BAIAP3: variants seen among roughly 807,000 people sequenced by gnomAD.
The protein encoded by BAIAP3 is BAI1 associated protein 3, also known as BAI1-associated protein 3.
A neutral mutation model predicts 149.7 loss-of-function variants in BAIAP3; 180 were observed. The ratio of observed to expected loss-of-function variants is 1.20; its 90% CI spans 1.07 to 1.36. The LOEUF is 1.36. BAIAP3 is among the 40% of genes most tolerant of loss of function. BAIAP3 has a pLI of 0.00. For synonymous variants in BAIAP3, 845 were observed against 670.7 expected (o/e 1.26, Z -4.02); for missense variants, 1,767 against 1,563.4 (o/e 1.13, Z -2.20).
At chr16:1,343,037 G>A in intron 14 of BAIAP3, 21 bp downstream of exon 14, 1 of 1,598,078 alleles carries the variant, frequency 6.3e-7, no homozygotes. Flanking sequence ...GGAGCTACGA[G>A]TGGGCGGGGA....
At chr16:1,336,452 C>T in intron 1 of BAIAP3, 1 of 935,056 alleles carries the variant, frequency 1.1e-6, no homozygotes, top group Non-Finnish European at 1.3e-6. Context: ...CGCAAACCCT[C>T]CTTCCTGTCC....
rs1322785475 is a variant in BAIAP3, at chr16:1,333,684, C to T, written c.-76C>T. On this transcript the variant is annotated 5_prime_UTR_variant, in exon 1 of 34. Coordinates refer to ENST00000426824, the MANE Select transcript of BAIAP3 (RefSeq NM_001199097.2). ...GCGGCTGGGAGCGGTAGCTGTGCCT[C>T]GGCGTCCCCGAGCTGGTGCCGAGCG... 1 of 151,408 alleles carries T rather than the reference C, an allele frequency of 6.6e-6. No homozygotes were observed. Among genetic ancestry groups the T allele is most frequent in the African/African-American group, 2.4e-5 (1 of 41,184 alleles). 9.4% of individuals were successfully genotyped at this position (151,408 alleles called of 1,614,324 possible).
rs551044108 is a variant in BAIAP3 at position 1,349,101 on chromosome 16, T to C, written c.*619T>C. ...AAGGCTGGTGGTCAGTGTGAAGGGCTCCGTGCCAACTGGTCAGCTGTCCTT... is the reference window on the plus strand; with the variant it reads ...AAGGCTGGTGGTCAGTGTGAAGGGCCCCGTGCCAACTGGTCAGCTGTCCTT... On this transcript the variant is annotated 3_prime_UTR_variant, in exon 34 of 34. Coordinates refer to ENST00000426824, the MANE Select transcript of BAIAP3 (RefSeq NM_001199097.2). 2 of 375,684 alleles carry C rather than the reference T, an allele frequency of 5.3e-6. No individual in the cohort carries two copies. Among genetic ancestry groups the C allele is most frequent in the Non-Finnish European group, 1.0e-5 (2 of 200,764 alleles). 23.3% of individuals were successfully genotyped at this position (375,684 alleles called of 1,614,324 possible).
intron 5 of BAIAP3, among the ~76,000 whole-genome samples, chr16:1,339,937 G>A (rs1485623663): frequency 7.4e-4 from 81 of 109,548 alleles, no homozygotes; most frequent in African/African-American, 2.5e-3. Flanking sequence ...ACACAGACAC[G>A]CACACAGGCT....
chr16:1,339,713 C>T (rs938066660), intron 5 of BAIAP3, 110 bp downstream of exon 5: 38 of 878,418 alleles, frequency 4.3e-5, no homozygotes, highest in Non-Finnish European at 5.4e-5. Context: ...CTCCCCGATC[C>T]GTGCACAGCA....
chr16:1,343,632 G>T, intron 15 of BAIAP3, 119 bp downstream of exon 15: 1 of 1,436,346 alleles, frequency 7.0e-7, no homozygotes, highest in Non-Finnish European at 9.4e-7. Context: ...AAGACAAATG[G>T]ACAAACTGTA....
At chr16:1,338,450 CCCG>C in intron 1 of BAIAP3, 87 bp from the exon 2 acceptor site, 1 of 195,866 alleles carries the variant, frequency 5.1e-6, no homozygotes, top group Non-Finnish European at 1.1e-5. Flanking sequence ...CCCACCTCTT[CCCG>C]CCCCACCCCC....
rs199907687 is a variant in BAIAP3 at position 1,344,430 on chromosome 16, C to G, written c.1603-39C>G. 2,428 of 1,612,844 alleles carry G rather than the reference C, an allele frequency of 1.5e-3. 2 individuals carry two copies. Among genetic ancestry groups the G allele is most frequent in the Non-Finnish European group, 1.9e-3 (2,297 of 1,179,470 alleles). ...TCTCTTGCCCACCTCTTCCTCTTCC[C>G]TGCAATCCACCATGCTGTCTTGGTG... is the stretch of plus-strand genomic sequence containing the variant. On this transcript the variant is annotated intron_variant, in intron 17 of 33. Transcript: ENST00000426824.
Position 1,348,843 on chromosome 16 carries a change from A to G in BAIAP3, c.*361A>G, listed in dbSNP as rs1415728208. ...GCAGCTGGTCTCCAGGGACTCAGTG[A>G]GTGGCTGTGCTCTCTGCACAACGGG... On this transcript the variant is annotated 3_prime_UTR_variant, in exon 34 of 34. Coordinates refer to ENST00000426824, the MANE Select transcript of BAIAP3 (RefSeq NM_001199097.2). 1.3e-5 allele frequency: 5 copies of G among 399,216 alleles called. No individual in the cohort carries two copies. In the Admixed American group the frequency reaches 2.0e-4, roughly 16 times the overall value. 24.7% of individuals were successfully genotyped at this position (399,216 alleles called of 1,614,324 possible). A position where few individuals can be genotyped will look rare whatever the true frequency, so the allele number is the denominator to read the frequency against.
intron 32 of BAIAP3, 37 bp from the exon 33 acceptor site, chr16:1,348,059 T>G (rs1240578069): frequency 6.7e-7 from 1 of 1,501,604 alleles, no homozygotes; most frequent in African/African-American, 2.3e-5. Flanking sequence ...GGCTCCAGGC[T>G]GCCGGAGCGA....
Position 1,349,157 on chromosome 16 carries a change from G to A in BAIAP3, c.*675G>A. On this transcript the variant is annotated 3_prime_UTR_variant, in exon 34 of 34. Coordinates refer to ENST00000426824, the MANE Select transcript of BAIAP3 (RefSeq NM_001199097.2). ...ACATATCCGTGGCCACCTGAGACCTGCTCCACGACCCTTCCAGGCAGAGCC... is the reference window on the plus strand; with the variant it reads ...ACATATCCGTGGCCACCTGAGACCTACTCCACGACCCTTCCAGGCAGAGCC... 2 of 490,186 alleles carry A rather than the reference G, an allele frequency of 4.1e-6. No individual in the cohort carries two copies. Among genetic ancestry groups the A allele is most frequent in the Middle Eastern group, 5.7e-4 (1 of 1,760 alleles). 30.4% of individuals were successfully genotyped at this position (490,186 alleles called of 1,614,324 possible). A position where few individuals can be genotyped will look rare whatever the true frequency, so the allele number is the denominator to read the frequency against.
In BAIAP3 at chr16:1,348,578, C is replaced by G. The variant is rs553377806; in HGVS notation, c.*96C>G. On this transcript the variant is annotated 3_prime_UTR_variant, in exon 34 of 34. Coordinates refer to ENST00000426824, the MANE Select transcript of BAIAP3 (RefSeq NM_001199097.2). ...GCCAGCTTTGTGCAACCAGGGCCCA[C>G]GGCGCCCCTCCTGTGCTGTGACGTG... The G allele has an allele frequency of 8.2e-7, 1 of 1,223,046 alleles. No individual in the cohort carries two copies. The highest frequency in any genetic ancestry group is 1.2e-6 in the Non-Finnish European group (1 of 858,830). 75.8% of individuals were successfully genotyped at this position (1,223,046 alleles called of 1,614,324 possible).
rs373914532 is a variant in BAIAP3, at chr16:1,347,729, G to A, written c.2933G>A (p.Arg978His). ...ACCCTGGAGCAGAACCGGTTTGGAC[G>A]CCTGAGCGTCCGTTGCCATTACGAG... ...QRTLEQNRFG[R>H]LSVRCHYEAA... is the part of the protein sequence containing the mutation. The change falls in exon 31 of 34, where the codon CGC becomes CAC. Residue 978 changes from arginine to histidine, a missense_variant. Transcript: ENST00000426824. The A allele has an allele frequency of 6.8e-6, 11 of 1,609,840 alleles. No individual in the cohort carries two copies. The highest frequency in any genetic ancestry group is 4.5e-5 in the East Asian group (2 of 44,788).
In BAIAP3 at chr16:1,348,558, C is replaced by G; in HGVS notation, c.*76C>G. ...GCATCCTCCAGCTCACTGTGGCCAG[C>G]TTTGTGCAACCAGGGCCCACGGCGC... On this transcript the variant is annotated 3_prime_UTR_variant, in exon 34 of 34. Transcript: ENST00000426824. 1 of 1,430,060 alleles carries G rather than the reference C, an allele frequency of 7.0e-7. No individual in the cohort carries two copies. Among genetic ancestry groups the G allele is most frequent in the Admixed American group, 2.0e-5 (1 of 50,430 alleles). 88.6% of individuals were successfully genotyped at this position (1,430,060 alleles called of 1,614,324 possible).
rs747510228 is a variant in BAIAP3, at chr16:1,343,353, G to A, written c.1266-40G>A. 2.7e-5 allele frequency: 43 copies of A among 1,564,818 alleles called. 2 individuals are homozygous for A. In the South Asian group the frequency reaches 4.7e-4, roughly 17 times the overall value. On this transcript the variant is annotated intron_variant, in intron 14 of 33. Transcript: ENST00000426824. ...GCGGTGCTGAGTGGGCATGGCAGGG[G>A]CGGGGTTCATACCCTTTGACCATGG...
chr16:1,344,688 C>G lies in BAIAP3; in HGVS notation c.1747C>G (p.Leu583Val). ...GTTCTGCTACAGTGTGTACGCCAGC[C>G]TCTTCCACAGGTGGGCCTGGCCCCT... ...LQFCYSVYAS[L>V]FHSILNVDVF... The change falls in exon 19 of 34, where the codon CTC (leucine) becomes GTC (valine). Residue 583 changes from leucine (L) to valine (V), a missense_variant. Physicochemically the swap from Leu to Val is conservative, Grantham distance 32. Transcript: ENST00000426824. 1 of 1,613,702 alleles carries G rather than the reference C, an allele frequency of 6.2e-7. No individual in the cohort carries two copies. The highest frequency in any genetic ancestry group is 8.5e-7 in the Non-Finnish European group (1 of 1,180,014).
At chr16:1,336,217 G>A in intron 1 of BAIAP3, 1 of 985,342 alleles carries the variant, frequency 1.0e-6, no homozygotes, top group Non-Finnish European at 1.2e-6. Flanking sequence ...GGGGACAGCA[G>A]GGGGAGCAGC....
In BAIAP3 at chr16:1,344,929, T is replaced by C. The variant is rs1387315231; in HGVS notation, c.1810-40T>C. On this transcript the variant is annotated intron_variant, in intron 20 of 33. Transcript: ENST00000426824. ...GCCCTTGGCTAGGACGGTCCTGGGATTCCTTGCTGCTGGAGGCCTGATCCT... is the reference window on the plus strand; with the variant it reads ...GCCCTTGGCTAGGACGGTCCTGGGACTCCTTGCTGCTGGAGGCCTGATCCT... The C allele has an allele frequency of 3.7e-6, 6 of 1,613,322 alleles. No individual in the cohort carries two copies. The South Asian group carries it at 4.4e-5, about 12-fold the overall frequency.
intron 1 of BAIAP3, among the ~76,000 whole-genome samples, chr16:1,335,044 C>T (rs1009684159): frequency 3.3e-5 from 5 of 152,166 alleles, no homozygotes; most frequent in South Asian, 2.1e-4. Context: ...GCCTCTGCTC[C>T]GCTGCCCCCA....
Sources: allele counts gnomAD v4.1 joint callset (sites outside exome capture counted in the v4.1 genomes callset), GRCh38; gene constraint gnomAD v4.1.1; transcripts MANE v1.5; gene names NCBI Gene and HGNC (gene_info 2026-07-23, HGNC 2026-07-21).